Variants in SLC24A2 observed in about 807,000 individuals in gnomAD.
SLC24A2 encodes solute carrier family 24 member 2, also known as sodium/potassium/calcium exchanger 2.
SLC24A2 carries 36 observed loss-of-function variants against 62.0 expected under a neutral mutation model. The observed-to-expected ratio is 0.58, with a 90% CI of 0.44 to 0.77. The LOEUF is 0.77. Ranked by LOEUF, SLC24A2 falls within the 30% of genes least tolerant of loss-of-function variation. The pLI is 0.00. For missense variants in SLC24A2, 846 were observed against 817.9 expected (o/e 1.03, Z -0.42); for synonymous variants, 358 against 294.0 (o/e 1.22, Z -2.23).
At chr9:19,944,732 T>C in the SLC24A2 span, among the ~76,000 whole-genome samples, 1 of 148,216 alleles carries the variant, frequency 6.7e-6, no homozygotes, top group Admixed American at 6.8e-5. Context: ...ATAATGCGCA[T>C]GCAGGTGCCA....
the SLC24A2 span, among the ~76,000 whole-genome samples, chr9:20,141,760 C>A: frequency 1.3e-5 from 2 of 152,058 alleles, no homozygotes; most frequent in Non-Finnish European, 2.9e-5. Flanking sequence ...TCTCTTTCTG[C>A]ACCTAATACG....
rs180955551 is a variant in SLC24A2 at position 19,590,477 on chromosome 9, C to T, written c.1129+6752G>A. ...CTCCTCCAAACACCCTGCTCTCCAT[C>T]CTGCCCTTCCTTATTACTTCTAGCC... On this transcript the variant is annotated intron_variant, in intron 5 of 10. Transcript: ENST00000341998. Among the ~76,000 whole-genome samples, 14 of 152,324 alleles carry T rather than the reference C, an allele frequency of 9.2e-5. 1 individual carries two copies. In the East Asian group the frequency reaches 2.7e-3, roughly 29 times the overall value.
At chr9:19,927,173 C>G in the SLC24A2 span, 23 of 152,266 alleles carry the variant, frequency 1.5e-4, no homozygotes, top group African/African-American at 5.1e-4. Context: ...ATGTTACCTT[C>G]ATCAGCAATT....
chr9:19,851,862 G>A, the SLC24A2 span, among the ~76,000 whole-genome samples: 3 of 152,156 alleles, frequency 2.0e-5, no homozygotes, highest in South Asian at 2.1e-4. Flanking sequence ...GGAATTGCTG[G>A]GTCAAATGAT....
the SLC24A2 span, among the ~76,000 whole-genome samples, chr9:20,247,385 T>C: frequency 6.6e-6 from 1 of 152,046 alleles, no homozygotes; most frequent in Admixed American, 6.6e-5. Flanking sequence ...CTCTCAAAAT[T>C]CGTATGTTGA....
rs1832905280 is a variant in SLC24A2, at chr9:19,515,969, G to GGT, written c.*182_*183dup. The GGT allele has an allele frequency of 1.3e-6, 1 of 744,428 alleles. No homozygotes were observed. The allele number at this position is 744,428 out of a possible 1,614,324, so 46.1% of individuals were successfully genotyped here. ...TACATGAAGTCATTTCAGTAGGCAG[G>GGT]GTGGAAGCAGCCTGTGAAGTGAATG... is the stretch of plus-strand genomic sequence containing the variant. On this transcript the variant is annotated 3_prime_UTR_variant, in exon 11 of 11. Transcript: ENST00000341998.
the SLC24A2 span, among the ~76,000 whole-genome samples, chr9:20,258,608 GC>G: frequency 3.3e-5 from 5 of 152,192 alleles, no homozygotes; most frequent in Non-Finnish European, 5.9e-5. Flanking sequence ...CATACCAGCA[GC>G]CCATGGGCCT....
At chr9:19,818,117 T>G in the SLC24A2 span, among the ~76,000 whole-genome samples, 1 of 152,128 alleles carries the variant, frequency 6.6e-6, no homozygotes, top group Non-Finnish European at 1.5e-5. Flanking sequence ...ACTACGAGAT[T>G]TATTTATCTT....
chr9:19,841,264 T>C, the SLC24A2 span, among the ~76,000 whole-genome samples: 32 of 152,060 alleles, frequency 2.1e-4, no homozygotes, highest in Non-Finnish European at 3.2e-4. Flanking sequence ...CAATAAGTGT[T>C]ATGGAGTAAA....
At chr9:19,916,313 T>A in the SLC24A2 span, among the ~76,000 whole-genome samples, 69 of 152,190 alleles carry the variant, frequency 4.5e-4, 1 homozygote, top group African/African-American at 1.6e-3. Context: ...TACAGCTTTG[T>A]AGGAAGTTTT....
the SLC24A2 span, among the ~76,000 whole-genome samples, chr9:19,995,588 T>A: frequency 6.6e-6 from 1 of 152,208 alleles, no homozygotes; most frequent in East Asian, 1.9e-4. Context: ...ATAACTAATG[T>A]TCATTTAGGT....
At chr9:20,105,227 A>G in the SLC24A2 span, among the ~76,000 whole-genome samples, 279 of 152,316 alleles carry the variant, frequency 1.8e-3, 2 homozygotes, top group African/African-American at 6.5e-3. Flanking sequence ...AAAGAGACTT[A>G]GACTCCCACA....
chr9:20,034,197 T>C, the SLC24A2 span, among the ~76,000 whole-genome samples: 20 of 152,280 alleles, frequency 1.3e-4, no homozygotes, highest in Middle Eastern at 3.4e-3. Flanking sequence ...CCTTACAAAA[T>C]AGTTTCAACC....
chr9:19,861,137 G>C, the SLC24A2 span, among the ~76,000 whole-genome samples: 1 of 151,924 alleles, frequency 6.6e-6, no homozygotes, highest in African/African-American at 2.4e-5. Flanking sequence ...GTAAGACCCA[G>C]TGCTGTGTTG....
chr9:19,943,932 T>G, the SLC24A2 span, among the ~76,000 whole-genome samples: 1 of 152,194 alleles, frequency 6.6e-6, no homozygotes, highest in African/African-American at 2.4e-5. Flanking sequence ...TCAAGGAGCA[T>G]AATTTGAACA....
the SLC24A2 span, among the ~76,000 whole-genome samples, chr9:20,229,760 T>A: frequency 3.9e-5 from 6 of 152,082 alleles, no homozygotes; most frequent in Non-Finnish European, 5.9e-5. Context: ...TACTTTAAGT[T>A]TTAGGGTACC....
chr9:19,931,180 T>C, the SLC24A2 span, among the ~76,000 whole-genome samples: 1 of 152,180 alleles, frequency 6.6e-6, no homozygotes, highest in Non-Finnish European at 1.5e-5. Context: ...AGACCATCCT[T>C]CCAGCCAAGT....
chr9:20,113,165 A>T, the SLC24A2 span, among the ~76,000 whole-genome samples: 1 of 152,258 alleles, frequency 6.6e-6, no homozygotes, highest in Non-Finnish European at 1.5e-5. Context: ...GCTCTCCCCC[A>T]GGACTGGTCA....
chr9:20,176,667 A>C, the SLC24A2 span, among the ~76,000 whole-genome samples: 1 of 152,022 alleles, frequency 6.6e-6, no homozygotes, highest in South Asian at 2.1e-4. Flanking sequence ...CAGGGGTATA[A>C]ATGAGGAAGT....
Sources: allele counts gnomAD v4.1 joint callset (sites outside exome capture counted in the v4.1 genomes callset), GRCh38; gene constraint gnomAD v4.1.1; transcripts MANE v1.5; gene names NCBI Gene and HGNC (gene_info 2026-07-23, HGNC 2026-07-21).